EIF4G3: variants seen among roughly 807,000 people sequenced by gnomAD.
The protein encoded by EIF4G3 is eIF-4-gamma 3.
A neutral mutation model predicts 186.4 loss-of-function variants in EIF4G3; 34 were observed. That is an observed-to-expected ratio of 0.18 (90% CI 0.14 to 0.24). EIF4G3 has a LOEUF of 0.24. Among genes scored for constraint, EIF4G3 ranks in the 10% least tolerant of loss-of-function variants. The probability of loss-of-function intolerance (pLI) is 1.00; values close to 1 mark genes in which losing one functional copy is unlikely to be tolerated. For synonymous variants in EIF4G3, 673 were observed against 679.5 expected, an observed-to-expected ratio of 0.99 and a Z score of 0.15; for missense variants, 1,536 against 1,948.5, an observed-to-expected ratio of 0.79 and a Z score of 3.99.
chr1:21,113,633 T>C (rs2096766568), intron 2 of EIF4G3, among the ~76,000 whole-genome samples: 1 of 152,172 alleles, frequency 6.6e-6, no homozygotes, highest in African/African-American at 2.4e-5. Context: ...CTGTCCATGA[T>C]TTTGTAACAT....
At chr1:20,842,827 TC>T (rs745468744) in intron 29 of EIF4G3, among the ~76,000 whole-genome samples, 1 of 151,726 alleles carries the variant, frequency 6.6e-6, no homozygotes, top group Non-Finnish European at 1.5e-5. Flanking sequence ...GGTCTCTTCA[TC>T]CTTGTGGGTC....
At chr1:20,852,193 G>C (rs921239517) in intron 27 of EIF4G3, among the ~76,000 whole-genome samples, 1 of 152,078 alleles carries the variant, frequency 6.6e-6, no homozygotes, top group African/African-American at 2.4e-5. Context: ...TTACAGACAG[G>C]GTTTCTCCAT....
At position 21,012,413 on chromosome 1, in the gene EIF4G3, T is replaced by C. The variant is rs1161233467; in HGVS notation, c.-66-9605A>G. 5.9e-5 allele frequency among the ~76,000 whole-genome samples: 9 copies of C among 152,202 alleles called. 1 individual carries two copies. Among genetic ancestry groups the C allele is most frequent in the African/African-American group, 1.4e-4 (6 of 41,446 alleles). On this transcript the variant is annotated intron_variant, in intron 4 of 36. Transcript: ENST00000602326. ...AGAGAAGTAGCAAAAATTCTATTGA[T>C]GCATATCTGCTTCATAAAGCAGGAC...
chr1:20,849,390 GTGT>G (rs764224150), intron 29 of EIF4G3, 22 bp downstream of exon 29: 36 of 1,272,362 alleles, frequency 2.8e-5, no homozygotes, highest in East Asian at 2.5e-5. Context: ...TACTGTGTGT[GTGT>G]TTTTTTTTTA....
Position 20,941,475 on chromosome 1 carries a change from T to C in EIF4G3, c.1663+16A>G, listed in dbSNP as rs770514217. 5.0e-6 allele frequency: 8 copies of C among 1,605,250 alleles called. No homozygotes were observed. Among genetic ancestry groups the C allele is most frequent in the Non-Finnish European group, 6.8e-6 (8 of 1,175,584 alleles). On this transcript the variant is annotated intron_variant, in intron 14 of 36. Coordinates refer to ENST00000602326, the MANE Select transcript of EIF4G3 (RefSeq NM_001391906.1). ...TCATGTTCAGCAAGCACGAGATTAA[T>C]GGCAGAATGGCTTACCTGGGACAGG...
At chr1:21,056,858 G>A (rs183410363) in intron 3 of EIF4G3, among the ~76,000 whole-genome samples, 10 of 152,304 alleles carry the variant, frequency 6.6e-5, no homozygotes, top group African/African-American at 2.4e-4. Context: ...TACCTCCAAA[G>A]CTAAACAGAC....
chr1:20,863,378 TAAAAAAA>T (rs3051243), intron 22 of EIF4G3, among the ~76,000 whole-genome samples: 1 of 102,476 alleles, frequency 9.8e-6, no homozygotes, highest in Non-Finnish European at 1.9e-5. Context: ...CTACAAAAAG[TAAAAAAA>T]AAAAAAAAAA....
intron 2 of EIF4G3, among the ~76,000 whole-genome samples, chr1:21,152,339 C>CCAAAAAA (rs2097564877): frequency 9.7e-6 from 1 of 103,572 alleles, no homozygotes; most frequent in African/African-American, 3.8e-5. Flanking sequence ...CCTGTCTCTA[C>CCAAAAAA]AAAAAAAAAA....
At chr1:21,087,479 T>A (rs1310899618) in intron 3 of EIF4G3, among the ~76,000 whole-genome samples, 1 of 152,152 alleles carries the variant, frequency 6.6e-6, no homozygotes, top group African/African-American at 2.4e-5. Flanking sequence ...CCTTCATTTA[T>A]GAATTTGAAT....
chr1:20,858,193 A>G (rs1416728211), intron 24 of EIF4G3, among the ~76,000 whole-genome samples: 2 of 152,162 alleles, frequency 1.3e-5, no homozygotes, highest in East Asian at 1.9e-4. Context: ...TGTTCAAAAC[A>G]CTTCTGATAC....
chr1:21,063,041 T>C (rs1363586917), intron 3 of EIF4G3, among the ~76,000 whole-genome samples: 1 of 152,120 alleles, frequency 6.6e-6, no homozygotes, highest in Non-Finnish European at 1.5e-5. Context: ...ATAAATACCA[T>C]AGAATATATA....
intron 7 of EIF4G3, among the ~76,000 whole-genome samples, chr1:20,983,774 T>C (rs1429957080): frequency 6.6e-6 from 1 of 152,222 alleles, no homozygotes; most frequent in African/African-American, 2.4e-5. Context: ...TCTATTATGG[T>C]AACACTATCA....
chr1:21,039,876 T>C lies in EIF4G3; in HGVS notation c.-67+10990A>G, dbSNP rs529811604. On this transcript the variant is annotated intron_variant, in intron 4 of 36. Coordinates refer to ENST00000602326, the MANE Select transcript of EIF4G3 (RefSeq NM_001391906.1). ...CTTTGAATAGACATTTCTCCAAAAA[T>C]AGACAAATGGCCAATAAGCACTTTA... 7.2e-5 allele frequency among the ~76,000 whole-genome samples: 11 copies of C among 152,214 alleles called. No homozygotes were observed. The South Asian group carries it at 1.9e-3, about 26-fold the overall frequency.
chr1:21,009,760 T>G (rs2086437614), intron 4 of EIF4G3, among the ~76,000 whole-genome samples: 1 of 151,978 alleles, frequency 6.6e-6, no homozygotes, highest in Non-Finnish European at 1.5e-5. Context: ...GTTCAAGGGA[T>G]TCTTCTGCCT....
intron 30 of EIF4G3, among the ~76,000 whole-genome samples, chr1:20,839,391 GT>G (rs1162345113): frequency 6.6e-6 from 1 of 152,216 alleles, no homozygotes; most frequent in African/African-American, 2.4e-5. Flanking sequence ...GATTACAGGC[GT>G]GAGTCACCAC....
At chr1:20,816,454 C>T (rs1421015412) in intron 34 of EIF4G3, among the ~76,000 whole-genome samples, 1 of 103,264 alleles carries the variant, frequency 9.7e-6, no homozygotes, top group African/African-American at 3.8e-5. Flanking sequence ...GAAGTGAGGA[C>T]CCCTCTGCCC....
Position 21,173,522 on chromosome 1 carries a change from T to C in EIF4G3, c.-272+2653A>G, listed in dbSNP as rs540842480. ...GTCAACATGGTGAAACCCAGTCTGATCACGCCTTACAAAAAATTACCTGGA... is the reference window on the plus strand; with the variant it reads ...GTCAACATGGTGAAACCCAGTCTGACCACGCCTTACAAAAAATTACCTGGA... On this transcript the variant is annotated intron_variant, in intron 2 of 36. Coordinates refer to ENST00000602326, the MANE Select transcript of EIF4G3 (RefSeq NM_001391906.1). Among the ~76,000 whole-genome samples, 27 of 152,024 alleles carry C rather than the reference T, an allele frequency of 1.8e-4. No individual in the cohort carries two copies. The East Asian group carries it at 4.5e-3, about 25-fold the overall frequency.
At position 20,857,476 on chromosome 1, in the gene EIF4G3, C is replaced by T. The variant is rs770435824; in HGVS notation, c.3266G>A (p.Gly1089Asp). The T allele has an allele frequency of 2.5e-6, 4 of 1,614,160 alleles. No individual in the cohort carries two copies. Among genetic ancestry groups the T allele is most frequent in the Admixed American group, 1.7e-5 (1 of 60,018 alleles). The change falls in exon 25 of 37, where the codon GGT becomes GAT. Residue 1089 changes from glycine to aspartate, a missense_variant. This residue lies in a region of EIF4G3 where 110 missense variants were observed against 166.2 expected (regional missense o/e 0.66). Coordinates refer to ENST00000602326, the MANE Select transcript of EIF4G3 (RefSeq NM_001391906.1). ...GGCCCCTTGTACAGTGTTCCACCCACCTTCGTCCACTCTCTGGACACCTGC... is the reference window on the plus strand; with the variant it reads ...GGCCCCTTGTACAGTGTTCCACCCATCTTCGTCCACTCTCTGGACACCTGC... ...RRPGVQRVDE[G>D]GWNTVQGAKN...
chr1:21,081,985 G>A (rs929864015), intron 3 of EIF4G3, among the ~76,000 whole-genome samples: 7 of 151,012 alleles, frequency 4.6e-5, no homozygotes, highest in African/African-American at 1.5e-4. Context: ...CAGAGACACG[G>A]TCTCACCATG....
Sources: gnomAD v4.1 joint callset for allele counts (sites outside exome capture counted in the v4.1 genomes callset) on GRCh38, gnomAD v4.1.1 for gene constraint, gnomAD v4.1.1 regional missense constraint, MANE v1.5 for transcripts, NCBI Gene and HGNC (gene_info 2026-07-23, HGNC 2026-07-21) for gene names.